Variants in CALR observed in about 807,000 individuals in gnomAD.
The protein encoded by CALR is calreticulin, also known as CRP55.
CALR carries 15 observed loss-of-function variants against 51.1 expected under a neutral mutation model. The observed-to-expected ratio is 0.29, with a 90% CI of 0.20 to 0.45. The LOEUF (loss-of-function observed/expected upper bound fraction) is 0.45. CALR is among the 20% of genes least tolerant of loss of function. The pLI is 1.00. For missense variants in CALR, 477 were observed against 530.6 expected (o/e 0.90, Z 0.99); for synonymous variants, 239 against 205.9 (o/e 1.16, Z -1.38).
At chr19:12,943,148 G>A (rs553015325) in intron 7 of CALR, 4 of 203,718 alleles carry the variant, frequency 2.0e-5, no homozygotes, top group Admixed American at 6.4e-5. Context: ...GCAGTGGCAC[G>A]ATCTTGGCTC....
At chr19:12,942,612 T>A (rs1026938722) in intron 7 of CALR, among the ~76,000 whole-genome samples, 6 of 147,614 alleles carry the variant, frequency 4.1e-5, no homozygotes, top group African/African-American at 1.3e-4. Context: ...TTTTTTTTTT[T>A]AAGACAGAGT....
chr19:12,941,887 A>T (rs2146018047), intron 7 of CALR, among the ~76,000 whole-genome samples: 1 of 151,860 alleles, frequency 6.6e-6, no homozygotes, highest in Admixed American at 6.6e-5. Context: ...TACAAGGGTT[A>T]GCCACCATGC....
intron 7 of CALR, among the ~76,000 whole-genome samples, chr19:12,941,830 C>T (rs1389775662): frequency 6.6e-6 from 1 of 151,718 alleles, no homozygotes; most frequent in Non-Finnish European, 1.5e-5. Flanking sequence ...TCTCGAACTC[C>T]TGGCCTCAGG....
intron 7 of CALR, among the ~76,000 whole-genome samples, 182 bp downstream of exon 7, chr19:12,941,069 GC>G (rs1180426531): frequency 6.6e-6 from 1 of 152,144 alleles, no homozygotes; most frequent in Non-Finnish European, 1.5e-5. Flanking sequence ...GGTTATACTT[GC>G]TGTGCACCAA....
rs1198149946 is a variant in CALR at position 12,940,357 on chromosome 19, C to T, written c.607C>T (p.Leu203=). 1 of 1,614,056 alleles carries T rather than the reference C, an allele frequency of 6.2e-7. No individual in the cohort carries two copies. The highest frequency in any genetic ancestry group is 1.3e-5 in the African/African-American group (1 of 74,924). Residue 203 remains leucine (L), a synonymous_variant, in exon 5 of 9, where the codon CTG becomes TTG. Transcript: ENST00000316448. ...CTCCTTGGAAGACGATTGGGACTTC[C>T]TGCCACCCAAGAAGATAAAGGATCC... is the stretch of plus-strand genomic sequence containing the variant. ...SGSLEDDWDF[L]PPKKIKDPDA... is the part of the protein sequence containing the mutation.
In CALR at chr19:12,940,570, C is replaced by G; in HGVS notation, c.732C>G (p.Asp244Glu). ...GGGACAAGCCCGAGCATATCCCTGA[C>G]CCTGATGCTAAGAAGCCCGAGGACT... ...EDWDKPEHIP[D>E]PDAKKPEDWD... The change falls in exon 6 of 9, where the codon GAC becomes GAG. Residue 244 changes from aspartate (D) to glutamate (E), a missense_variant. Asp to Glu is a conservative substitution (Grantham distance 45). Transcript: ENST00000316448. 1.2e-6 allele frequency: 2 copies of G among 1,614,152 alleles called. No individual in the cohort carries two copies. Among genetic ancestry groups the G allele is most frequent in the Middle Eastern group, 1.6e-4 (1 of 6,062 alleles).
chr19:12,939,653 C>T lies in CALR; in HGVS notation c.397+22C>T, dbSNP rs551213651. 5.0e-6 allele frequency: 8 copies of T among 1,596,006 alleles called. No homozygotes were observed. The African/African-American group carries it at 8.0e-5, about 16-fold the overall frequency. ...TTTGGTGAGGGCCTGCTTCCTGGTG[C>T]TGATCTCTGTCCCATTAGTTAGAGG... On this transcript the variant is annotated intron_variant, in intron 3 of 8. Coordinates refer to ENST00000316448, the MANE Select transcript of CALR (RefSeq NM_004343.4).
chr19:12,938,920 G>A (rs1469205809), intron 1 of CALR, 150 bp downstream of exon 1: 2 of 781,420 alleles, frequency 2.6e-6, no homozygotes, highest in Non-Finnish European at 4.5e-6. Context: ...CTGCGTCCCT[G>A]GGGAGCGCGG....
At position 12,944,066 on chromosome 19, in the gene CALR, C is replaced by G; in HGVS notation, c.*153C>G. Reference sequence around the variant, plus strand: ...ATTTTGGTTTTGTTCCCCTCCTCCACTCTCCCCCACCCCCTCCCCGCCCTT... The same window carrying G: ...ATTTTGGTTTTGTTCCCCTCCTCCAGTCTCCCCCACCCCCTCCCCGCCCTT... On this transcript the variant is annotated 3_prime_UTR_variant, in exon 9 of 9. Transcript: ENST00000316448. The G allele has an allele frequency of 8.2e-7, 1 of 1,214,328 alleles. No homozygotes were observed. The highest frequency in any genetic ancestry group is 1.2e-6 in the Non-Finnish European group (1 of 854,488). The allele number at this position is 1,214,328 out of a possible 1,614,324, so 75.2% of individuals were successfully genotyped here. A position where few individuals can be genotyped will look rare whatever the true frequency, so the allele number is the denominator to read the frequency against.
intron 7 of CALR, 21 bp downstream of exon 7, chr19:12,940,908 G>A (rs1185669490): frequency 6.2e-7 from 1 of 1,613,480 alleles, no homozygotes; most frequent in Non-Finnish European, 8.5e-7. Flanking sequence ...GAGGAAAAAG[G>A]AGGATCCCTG....
intron 7 of CALR, among the ~76,000 whole-genome samples, chr19:12,941,622 AC>A (rs898017354): frequency 6.7e-6 from 1 of 148,208 alleles, no homozygotes; most frequent in Non-Finnish European, 1.5e-5. Flanking sequence ...GACTACAGGC[AC>A]CCCCCACCAT....
chr19:12,941,535 G>C (rs1971546684), intron 7 of CALR, among the ~76,000 whole-genome samples: 1 of 143,452 alleles, frequency 7.0e-6, no homozygotes, highest in Non-Finnish European at 1.5e-5. Context: ...GCAGTGGTGT[G>C]ATCTCTGCTC....
rs760708514 is a variant in CALR, at chr19:12,940,767, C to T, written c.840C>T (p.Ile280=). 8.1e-6 allele frequency: 13 copies of T among 1,614,014 alleles called. No individual in the cohort carries two copies. The highest frequency in any genetic ancestry group is 1.6e-4 in the Middle Eastern group (1 of 6,084). The change falls in exon 7 of 9, where the codon ATC becomes ATT. Residue 280 remains isoleucine (I), a synonymous_variant. Transcript: ENST00000316448. The stretch of plus-strand genomic sequence containing the variant: ...AGGGTGAGTGGAAGCCCCGGCAGAT[C>T]GACAACCCAGATTACAAGGGCACTT... The part of the protein sequence containing the change: ...EYKGEWKPRQ[I]DNPDYKGTWI...
intron 7 of CALR, chr19:12,943,274 C>T (rs1423815450): frequency 2.4e-5 from 11 of 457,480 alleles, no homozygotes; most frequent in East Asian, 8.6e-5. Context: ...TTAGTAGAGA[C>T]GGGGTTTCAC....
At chr19:12,943,656 C>CG (rs1971579846) in intron 8 of CALR, 27 bp downstream of exon 8, 1 of 1,613,772 alleles carries the variant, frequency 6.2e-7, no homozygotes, top group South Asian at 1.1e-5. Flanking sequence ...GTCCTGATGT[C>CG]GGGGGCGGGC....
intron 7 of CALR, among the ~76,000 whole-genome samples, chr19:12,942,980 TC>T (rs1971568723): frequency 6.6e-6 from 1 of 151,258 alleles, no homozygotes; most frequent in South Asian, 2.1e-4. Flanking sequence ...GGTCTCGAAC[TC>T]CTGGCCTCAA....
At position 12,944,176 on chromosome 19, in the gene CALR, C is replaced by A. The variant is rs2146022207; in HGVS notation, c.*263C>A. On this transcript the variant is annotated 3_prime_UTR_variant, in exon 9 of 9. Transcript: ENST00000316448. ...GGTTCTCATCTTTCTTGATCAACAT[C>A]TTTTCTTGCCTCTGTCCCCTTCTCT... 3 of 558,344 alleles carry A rather than the reference C, an allele frequency of 5.4e-6. No individual in the cohort carries two copies. In the South Asian group the frequency reaches 6.2e-5, roughly 12 times the overall value. The allele number at this position is 558,344 out of a possible 1,614,324, so 34.6% of individuals were successfully genotyped here.
At chr19:12,941,595 G>A in intron 7 of CALR, among the ~76,000 whole-genome samples, 1 of 151,296 alleles carries the variant, frequency 6.6e-6, no homozygotes. Context: ...TTCTGCCTCA[G>A]GGTCCCGAGT....
chr19:12,939,318 C>T (rs565251905), intron 2 of CALR, 83 bp downstream of exon 2: 13 of 1,438,674 alleles, frequency 9.0e-6, no homozygotes, highest in Non-Finnish European at 1.3e-5. Context: ...CCGGGACAGT[C>T]CCCTTGGAGG....
Sources: gnomAD v4.1 joint callset for allele counts (sites outside exome capture counted in the v4.1 genomes callset) on GRCh38, gnomAD v4.1.1 for gene constraint, MANE v1.5 for transcripts, NCBI Gene and HGNC (gene_info 2026-07-23, HGNC 2026-07-21) for gene names.